The following SNTG1 variants were observed in gnomAD, a reference collection of about 807,000 sequenced individuals.
The protein encoded by SNTG1 is syntrophin gamma 1, also known as gamma-1-syntrophin.
Under a neutral mutation model 74.7 loss-of-function variants are expected in SNTG1, and 39 were observed. The ratio of observed to expected loss-of-function variants is 0.52; its 90% CI spans 0.40 to 0.68. SNTG1 has a LOEUF of 0.68. Ranked by LOEUF, SNTG1 falls within the 30% of genes least tolerant of loss-of-function variation. The probability of loss-of-function intolerance (pLI) is 0.00; values close to 1 mark genes in which losing one functional copy is unlikely to be tolerated. For synonymous variants in SNTG1, 254 were observed against 217.1 expected (o/e 1.17, Z -1.49); for missense variants, 685 against 609.5 (o/e 1.12, Z -1.30).
At chr8:50,677,953 G>T (rs559474714) in intron 15 of SNTG1, among the ~76,000 whole-genome samples, 1 of 151,744 alleles carries the variant, frequency 6.6e-6, no homozygotes, top group Non-Finnish European at 1.5e-5. Context: ...AAAGGGAGGG[G>T]AACAACATAC....
chr8:50,521,234 T>C (rs567242538), intron 9 of SNTG1, among the ~76,000 whole-genome samples: 119 of 151,794 alleles, frequency 7.8e-4, no homozygotes, highest in Middle Eastern at 3.4e-3. Context: ...CACATGGACA[T>C]AGGGAGGGGA....
At chr8:50,326,969 G>T (rs2090774023) in intron 2 of SNTG1, among the ~76,000 whole-genome samples, 1 of 151,916 alleles carries the variant, frequency 6.6e-6, no homozygotes, top group Admixed American at 6.6e-5. Context: ...TTAGAAGAGT[G>T]TTGTTTAATC....
intron 8 of SNTG1, among the ~76,000 whole-genome samples, chr8:50,494,823 C>T (rs1292421499): frequency 6.6e-6 from 1 of 151,956 alleles, no homozygotes; most frequent in Non-Finnish European, 1.5e-5. Context: ...CAGTCATAGC[C>T]TTAAATATTG....
chr8:50,126,068 C>T (rs1231246104), intron 1 of SNTG1, among the ~76,000 whole-genome samples: 3 of 152,118 alleles, frequency 2.0e-5, no homozygotes, highest in African/African-American at 7.2e-5. Context: ...GGTTCTGCGG[C>T]ACCCTTCTTG....
intron 1 of SNTG1, among the ~76,000 whole-genome samples, chr8:50,091,827 T>C (rs1359144391): frequency 6.6e-6 from 1 of 152,140 alleles, no homozygotes; most frequent in African/African-American, 2.4e-5. Flanking sequence ...AAATTTAATT[T>C]TTTTTTCTCC....
chr8:50,463,631 C>A (rs1394305600), intron 8 of SNTG1, among the ~76,000 whole-genome samples: 31 of 152,164 alleles, frequency 2.0e-4, no homozygotes, highest in African/African-American at 7.0e-4. Context: ...AACAGATGTC[C>A]TGTCATCTAG....
At chr8:50,161,383 T>C (rs1388756045) in intron 1 of SNTG1, among the ~76,000 whole-genome samples, 2 of 152,168 alleles carry the variant, frequency 1.3e-5, no homozygotes, top group Non-Finnish European at 2.9e-5. Context: ...ACTTGACCCA[T>C]TGATTGTATA....
chr8:50,548,892 A>G (rs540954326), intron 11 of SNTG1, among the ~76,000 whole-genome samples: 49 of 152,314 alleles, frequency 3.2e-4, no homozygotes, highest in South Asian at 2.5e-3. Context: ...TAGTCTTCAA[A>G]ATACAGCCTG....
chr8:50,484,234 T>A (rs1219974705), intron 8 of SNTG1, among the ~76,000 whole-genome samples: 2 of 149,386 alleles, frequency 1.3e-5, no homozygotes, highest in Admixed American at 6.7e-5. Flanking sequence ...CTTTTTTTTT[T>A]ATGGAGTTTC....
At chr8:50,572,207 C>T (rs765503437) in intron 12 of SNTG1, among the ~76,000 whole-genome samples, 3 of 151,670 alleles carry the variant, frequency 2.0e-5, no homozygotes, top group East Asian at 2.0e-4. Context: ...TTATAATACT[C>T]GTCTCAGAGA....
intron 2 of SNTG1, among the ~76,000 whole-genome samples, chr8:50,237,144 T>G (rs2085946431): frequency 1.3e-5 from 2 of 152,322 alleles, no homozygotes; most frequent in African/African-American, 4.8e-5. Flanking sequence ...TTTACCTTTT[T>G]TTTTCTTGCA....
At chr8:50,774,068 A>G (rs1001559781) in intron 18 of SNTG1, among the ~76,000 whole-genome samples, 3 of 152,018 alleles carry the variant, frequency 2.0e-5, no homozygotes, top group African/African-American at 7.2e-5. Flanking sequence ...AACTGAGATT[A>G]TCCAGTCTAA....
intron 13 of SNTG1, among the ~76,000 whole-genome samples, chr8:50,615,074 C>T (rs929723316): frequency 1.3e-5 from 2 of 151,804 alleles, no homozygotes; most frequent in African/African-American, 4.8e-5. Flanking sequence ...TCCCGAGTAG[C>T]TAGGACTACC....
intron 18 of SNTG1, among the ~76,000 whole-genome samples, chr8:50,785,800 A>G (rs1037765149): frequency 6.6e-6 from 1 of 152,074 alleles, no homozygotes; most frequent in Non-Finnish European, 1.5e-5. Context: ...GCAACATGCA[A>G]AAATTGTTAT....
At chr8:49,987,580 C>T (rs1042930654) in intron 1 of SNTG1, among the ~76,000 whole-genome samples, 4 of 151,674 alleles carry the variant, frequency 2.6e-5, no homozygotes, top group Non-Finnish European at 5.9e-5. Flanking sequence ...TTAGTGGACG[C>T]TAACAGCCTG....
chr8:50,229,030 C>T (rs917973586), intron 2 of SNTG1, among the ~76,000 whole-genome samples: 2 of 151,442 alleles, frequency 1.3e-5, no homozygotes, highest in Admixed American at 6.6e-5. Context: ...GTTGCAAGGT[C>T]CCTATACAAG....
intron 13 of SNTG1, among the ~76,000 whole-genome samples, chr8:50,591,927 A>T (rs891204370): frequency 3.3e-5 from 5 of 152,184 alleles, no homozygotes; most frequent in African/African-American, 1.2e-4. Flanking sequence ...AGCAGCCTGT[A>T]GTTGTTTTTA....
chr8:50,166,970 T>G (rs1339789514), intron 1 of SNTG1, among the ~76,000 whole-genome samples: 4 of 146,552 alleles, frequency 2.7e-5, no homozygotes, highest in Middle Eastern at 3.4e-3. Context: ...ATGTCCTTTG[T>G]AGGGACATGG....
At chr8:50,491,009 C>T (rs1336475803) in intron 8 of SNTG1, 1 of 153,188 alleles carries the variant, frequency 6.5e-6, no homozygotes, top group East Asian at 1.9e-4. Flanking sequence ...AGCTCTGCAT[C>T]AGGAGACTGG....
Sources: allele counts gnomAD v4.1 joint callset (sites outside exome capture counted in the v4.1 genomes callset), GRCh38; gene constraint gnomAD v4.1.1; transcripts MANE v1.5; gene names NCBI Gene and HGNC (gene_info 2026-07-23, HGNC 2026-07-21).